FAM178B: variants seen among roughly 807,000 people sequenced by gnomAD.
FAM178B encodes the protein protein FAM178B.
A neutral mutation model predicts 91.7 loss-of-function variants in FAM178B; 82 were observed. That is an observed-to-expected ratio of 0.89 (90% CI 0.75 to 1.07). The LOEUF is 1.07. FAM178B is among the 50% of genes least tolerant of loss of function. The pLI, the probability that FAM178B is intolerant of heterozygous loss-of-function variation, is 0.00. For missense variants in FAM178B, 769 were observed against 846.7 expected, an observed-to-expected ratio of 0.91 and a Z score of 1.14; for synonymous variants, 368 against 359.4, an observed-to-expected ratio of 1.02 and a Z score of -0.27.
At chr2:96,881,412 T>C (rs1401815063) in intron 14 of FAM178B, among the ~76,000 whole-genome samples, 1 of 151,966 alleles carries the variant, frequency 6.6e-6, no homozygotes, top group African/African-American at 2.4e-5. Context: ...GAAGGCACCC[T>C]GGGCTGTCTG....
Position 96,921,537 on chromosome 2 carries a change from C to G in FAM178B, c.1405G>C (p.Val469Leu), listed in dbSNP as rs1234905369. 6.4e-7 allele frequency: 1 copy of G among 1,551,588 alleles called. No individual in the cohort carries two copies. Among genetic ancestry groups the G allele is most frequent in the East Asian group, 2.4e-5 (1 of 40,926 alleles). ...AAGAGGAGAAGCTGCTGGAGGTCAA[C>G]TTTGGGCAGCAGGCGGAGCCCCACG... is the stretch of plus-strand genomic sequence containing the variant. ...LDVGLRLLPK[V>L]DLQQLLLLLL... is the part of the protein sequence containing the mutation. Residue 469 changes from valine (V) to leucine (L), a missense_variant, in exon 11 of 17, where the codon GTT (valine) becomes CTT (leucine). Physicochemically the swap from Val to Leu is conservative, Grantham distance 32. Coordinates refer to ENST00000490605, the MANE Select transcript of FAM178B (RefSeq NM_001122646.3).
At chr2:96,945,589 G>T (rs1047325831) in intron 8 of FAM178B, among the ~76,000 whole-genome samples, 3 of 152,132 alleles carry the variant, frequency 2.0e-5, no homozygotes, top group Non-Finnish European at 2.9e-5. Flanking sequence ...ACGGGTGAAG[G>T]GAGGCAGCCC....
Position 96,875,980 on chromosome 2 carries a change from C to A in FAM178B, c.*296G>T. 1 of 455,740 alleles carries A rather than the reference C, an allele frequency of 2.2e-6. No homozygotes were observed. The highest frequency in any genetic ancestry group is 3.9e-5 in the East Asian group (1 of 25,744). The allele number at this position is 455,740 out of a possible 1,614,324, so 28.2% of individuals were successfully genotyped here. On this transcript the variant is annotated 3_prime_UTR_variant, in exon 17 of 17. Coordinates refer to ENST00000490605, the MANE Select transcript of FAM178B (RefSeq NM_001122646.3). ...GGGGAGGACTGAGGCCCAGGGAAACCAGAGCTATGGAGACAGAGGCCTTAG... is the reference window on the plus strand; with the variant it reads ...GGGGAGGACTGAGGCCCAGGGAAACAAGAGCTATGGAGACAGAGGCCTTAG...
intron 14 of FAM178B, among the ~76,000 whole-genome samples, chr2:96,885,451 G>A (rs978309510): frequency 2.0e-5 from 3 of 152,354 alleles, no homozygotes; most frequent in East Asian, 1.9e-4. Flanking sequence ...TGGGCCCTGA[G>A]CAGCCCTGGC....
chr2:96,916,670 T>G (rs1311540139), intron 12 of FAM178B, among the ~76,000 whole-genome samples: 1 of 152,196 alleles, frequency 6.6e-6, no homozygotes, highest in African/African-American at 2.4e-5. Context: ...TGGCTCTGTT[T>G]CAGGTGGTCT....
chr2:96,899,327 C>A (rs577928801), intron 13 of FAM178B, among the ~76,000 whole-genome samples: 13 of 152,360 alleles, frequency 8.5e-5, no homozygotes, highest in Non-Finnish European at 1.6e-4. Flanking sequence ...GACTTGCTCA[C>A]CCCTCTCTTC....
chr2:96,940,988 G>C (rs2081719857), intron 8 of FAM178B, among the ~76,000 whole-genome samples: 1 of 152,232 alleles, frequency 6.6e-6, no homozygotes, highest in South Asian at 2.1e-4. Flanking sequence ...AGACACCAGT[G>C]GGGAGAACTG....
intron 14 of FAM178B, among the ~76,000 whole-genome samples, chr2:96,892,631 C>G (rs1436942966): frequency 6.6e-6 from 1 of 152,208 alleles, no homozygotes; most frequent in Non-Finnish European, 1.5e-5. Flanking sequence ...CAGAGTGAGC[C>G]TGGCAGGAAT....
Position 96,951,406 on chromosome 2 carries a change from C to G in FAM178B, c.966G>C (p.Pro322=), listed in dbSNP as rs746774365. The change falls in exon 7 of 17, where the codon CCG becomes CCC. Residue 322 remains proline (P), a synonymous_variant. Transcript: ENST00000490605. ...NILYLHMPDC[P]VSLLQWLFQL... ...GGAACAGCCACTGGAGCAGGGATACCGGGCAGTCAGGCATGTGCAGGTAGA... is the reference window on the plus strand; with the variant it reads ...GGAACAGCCACTGGAGCAGGGATACGGGGCAGTCAGGCATGTGCAGGTAGA... 13 of 1,551,272 alleles carry G rather than the reference C, an allele frequency of 8.4e-6. No individual in the cohort carries two copies. The highest frequency in any genetic ancestry group is 1.1e-5 in the Non-Finnish European group (13 of 1,146,776).
intron 8 of FAM178B, among the ~76,000 whole-genome samples, chr2:96,930,615 C>T (rs1370160985): frequency 2.6e-5 from 4 of 152,128 alleles, no homozygotes; most frequent in Non-Finnish European, 5.9e-5. Context: ...AAAACGTGGC[C>T]GGTGCATGGA....
At chr2:96,898,760 G>T (rs920974296) in intron 13 of FAM178B, among the ~76,000 whole-genome samples, 14 of 152,214 alleles carry the variant, frequency 9.2e-5, no homozygotes, top group Admixed American at 6.5e-5. Flanking sequence ...GCTGCTAGGA[G>T]GGGCGAGCAC....
intron 14 of FAM178B, 45 bp downstream of exon 14, chr2:96,893,881 G>A: frequency 3.1e-6 from 5 of 1,591,840 alleles, no homozygotes; most frequent in African/African-American, 1.3e-5. Context: ...TACCTGTGGT[G>A]GTGGCACCGT....
chr2:96,981,556 C>T (rs1318446132), intron 1 of FAM178B, among the ~76,000 whole-genome samples: 3 of 151,662 alleles, frequency 2.0e-5, no homozygotes, highest in Non-Finnish European at 4.4e-5. Context: ...TCGAGGTCAC[C>T]CTGGCCAACA....
At chr2:96,942,303 A>C (rs2153372668) in intron 8 of FAM178B, among the ~76,000 whole-genome samples, 1 of 152,350 alleles carries the variant, frequency 6.6e-6, no homozygotes, top group Non-Finnish European at 1.5e-5. Context: ...TAGATCCAAG[A>C]CAATCACTAT....
intron 7 of FAM178B, chr2:96,950,130 C>G: frequency 1.0e-6 from 1 of 985,506 alleles, no homozygotes; most frequent in Non-Finnish European, 1.2e-6. Context: ...CCCGGGAAGG[C>G]ACTCCACGCC....
In FAM178B at chr2:96,921,177, G is replaced by T; in HGVS notation, c.1550C>A (p.Thr517Asn). The change falls in exon 12 of 17, where the codon ACC (threonine) becomes AAC (asparagine). Residue 517 changes from threonine to asparagine, a missense_variant. Transcript: ENST00000490605. ...GAGCAGCACGCACCTGCTCCGGGAG[G>T]TCATGTCTGGGAAGAACTGCACGAG... ...LALVQFFPDM[T>N]SRSRRLRSQL... The T allele has an allele frequency of 6.4e-7, 1 of 1,551,536 alleles. No individual in the cohort carries two copies.
intron 6 of FAM178B, among the ~76,000 whole-genome samples, chr2:96,954,748 C>T (rs2081975190): frequency 6.6e-6 from 1 of 152,234 alleles, no homozygotes; most frequent in Admixed American, 6.5e-5. Flanking sequence ...CTTTCTCTTT[C>T]TTTGTTTAAA....
At chr2:96,969,332 G>GATT (rs1404723713) in intron 4 of FAM178B, among the ~76,000 whole-genome samples, 11 of 152,184 alleles carry the variant, frequency 7.2e-5, no homozygotes, top group African/African-American at 2.7e-4. Flanking sequence ...GATCCCACAG[G>GATT]ATTAGTGTCC....
At chr2:96,963,628 C>A (rs1040179677) in intron 5 of FAM178B, among the ~76,000 whole-genome samples, 1 of 152,192 alleles carries the variant, frequency 6.6e-6, no homozygotes, top group African/African-American at 2.4e-5. Context: ...AAAACTGGCA[C>A]CAGTCAGGAG....
Sources: gnomAD v4.1 joint callset for allele counts (sites outside exome capture counted in the v4.1 genomes callset) on GRCh38, gnomAD v4.1.1 for gene constraint, MANE v1.5 for transcripts, NCBI Gene and HGNC (gene_info 2026-07-23, HGNC 2026-07-21) for gene names.